The following MCCC1 variants were observed in gnomAD, a reference collection of about 807,000 sequenced individuals.
The protein encoded by MCCC1 is methylcrotonoyl-CoA carboxylase subunit alpha, mitochondrial.
Under a neutral mutation model 83.8 loss-of-function variants are expected in MCCC1, and 64 were observed. The observed-to-expected ratio is 0.76, with a 90% CI of 0.62 to 0.94. The LOEUF (loss-of-function observed/expected upper bound fraction) is 0.94. MCCC1 is among the 40% of genes least tolerant of loss of function. The pLI, the probability that MCCC1 is intolerant of heterozygous loss-of-function variation, is 0.00. For missense variants in MCCC1, 807 were observed against 904.7 expected, an observed-to-expected ratio of 0.89 and a Z score of 1.39; for synonymous variants, 322 against 315.4, an observed-to-expected ratio of 1.02 and a Z score of -0.22.
intron 12 of MCCC1, among the ~76,000 whole-genome samples, chr3:183,037,719 T>C (rs148347789): frequency 6.6e-6 from 1 of 152,318 alleles, no homozygotes; most frequent in African/African-American, 2.4e-5. Flanking sequence ...ACCGAGGCAC[T>C]TACTTGACTC....
intron 7 of MCCC1, among the ~76,000 whole-genome samples, chr3:183,062,849 A>C (rs544773518): frequency 1.6e-4 from 24 of 152,312 alleles, no homozygotes; most frequent in Non-Finnish European, 2.8e-4. Context: ...GTGTCTGAGA[A>C]CCAGGAGGTG....
chr3:183,101,487 T>C (rs866483943), upstream of MCCC1, among the ~76,000 whole-genome samples: 4 of 152,204 alleles, frequency 2.6e-5, no homozygotes, highest in South Asian at 2.1e-4. Context: ...ATCTAGCTGC[T>C]CTGGTGGGGC....
chr3:183,043,411 C>T (rs1159337266), intron 10 of MCCC1, among the ~76,000 whole-genome samples: 1 of 152,228 alleles, frequency 6.6e-6, no homozygotes, highest in Non-Finnish European at 1.5e-5. Flanking sequence ...CATTTGAGTT[C>T]TCTCAGGCTG....
chr3:183,068,457 G>C lies in MCCC1; in HGVS notation c.761+2542C>G, dbSNP rs145004063. Among the ~76,000 whole-genome samples the C allele has an allele frequency of 3.3e-4, 50 of 152,286 alleles. No individual in the cohort carries two copies. The East Asian group carries it at 7.5e-3, about 23-fold the overall frequency. Reference sequence around the variant, plus strand: ...GTTACCCTATATGGTCTAAAAAGGGGAGGCAAGAATACTCCACCCCTTGTT... The same window carrying C: ...GTTACCCTATATGGTCTAAAAAGGGCAGGCAAGAATACTCCACCCCTTGTT... On this transcript the variant is annotated intron_variant, in intron 7 of 18. Transcript: ENST00000265594.
chr3:183,058,088 G>A (rs1715556710), intron 7 of MCCC1, among the ~76,000 whole-genome samples: 1 of 152,066 alleles, frequency 6.6e-6, no homozygotes, highest in Non-Finnish European at 1.5e-5. Flanking sequence ...AACTGTCAAA[G>A]AAAAGACTGA....
rs1371558691 is a variant in MCCC1, at chr3:183,034,247, G to GT, written c.1595-171_1595-170insA. Among the ~76,000 whole-genome samples, 10 of 152,126 alleles carry GT rather than the reference G, an allele frequency of 6.6e-5. No individual in the cohort carries two copies. The East Asian group carries it at 1.5e-3, about 24-fold the overall frequency. ...GGGCGGATCATGAGGTCAGGAGATCGAGACCATCCTAGCTAACACGGTGAA... is the reference window on the plus strand; with the variant it reads ...GGGCGGATCATGAGGTCAGGAGATCGTAGACCATCCTAGCTAACACGGTGAA... On this transcript the variant is annotated intron_variant, in intron 13 of 18. Transcript: ENST00000265594.
At chr3:183,053,527 C>T (rs931657558) in intron 8 of MCCC1, among the ~76,000 whole-genome samples, 9 of 151,722 alleles carry the variant, frequency 5.9e-5, no homozygotes, top group African/African-American at 2.2e-4. Context: ...AAAATAGGGG[C>T]CAGGCACGGT....
chr3:183,108,097 T>C (rs977097679), intron 1 of MCCC1, among the ~76,000 whole-genome samples: 2 of 152,224 alleles, frequency 1.3e-5, no homozygotes, highest in African/African-American at 4.8e-5. Context: ...CTTGTTTGTA[T>C]TGGCTTAATG....
At chr3:183,037,132 G>C in intron 13 of MCCC1, 86 bp downstream of exon 13, 1 of 1,259,630 alleles carries the variant, frequency 7.9e-7, no homozygotes, top group South Asian at 1.2e-5. Flanking sequence ...GAAAAGAGAG[G>C]TCAGTGTGCC....
At chr3:183,115,929 G>A (rs1719580200) in exon 1 of MCCC1, 1 of 152,232 alleles carries the variant, frequency 6.6e-6, no homozygotes, top group African/African-American at 2.4e-5. Context: ...ACAACACCAC[G>A]GAGTGGGCAC....
At chr3:183,080,191 A>G (rs1050730214) in intron 4 of MCCC1, among the ~76,000 whole-genome samples, 5 of 152,192 alleles carry the variant, frequency 3.3e-5, no homozygotes, top group Admixed American at 3.3e-4. Context: ...ATTTCTCCTC[A>G]GAAAATGGGA....
At chr3:183,089,875 G>C (rs981547584) in intron 3 of MCCC1, among the ~76,000 whole-genome samples, 7 of 152,186 alleles carry the variant, frequency 4.6e-5, no homozygotes, top group African/African-American at 1.4e-4. Context: ...TAGGTGAAAG[G>C]TCATGAGTTC....
intron 8 of MCCC1, among the ~76,000 whole-genome samples, chr3:183,055,185 C>T (rs562623749): frequency 4.6e-5 from 7 of 151,076 alleles, no homozygotes; most frequent in Admixed American, 2.0e-4. Context: ...GGGTGGATCA[C>T]GAGGTCAGGA....
intron 12 of MCCC1, among the ~76,000 whole-genome samples, chr3:183,037,799 C>T (rs1055095416): frequency 6.6e-6 from 1 of 152,170 alleles, no homozygotes; most frequent in African/African-American, 2.4e-5. Flanking sequence ...AGACTTGCTG[C>T]TCAGAACACT....
intron 7 of MCCC1, 53 bp downstream of exon 7, chr3:183,070,946 A>G (rs1716622551): frequency 6.4e-7 from 1 of 1,551,384 alleles, no homozygotes; most frequent in Non-Finnish European, 8.8e-7. Flanking sequence ...TGCATGCATT[A>G]TTTTTATAAT....
intron 1 of MCCC1, among the ~76,000 whole-genome samples, chr3:183,110,483 TC>T (rs1719474403): frequency 6.6e-6 from 1 of 150,702 alleles, no homozygotes. Context: ...GAGCTCCGCC[TC>T]CCAGGTTCAC....
chr3:183,028,703 G>C (rs1712805777), intron 14 of MCCC1, among the ~76,000 whole-genome samples: 1 of 152,250 alleles, frequency 6.6e-6, no homozygotes, highest in Non-Finnish European at 1.5e-5. Context: ...GCTAGGACTA[G>C]AAGTGGAGAC....
intron 17 of MCCC1, among the ~76,000 whole-genome samples, chr3:183,018,627 C>G (rs1711890755): frequency 6.6e-6 from 1 of 152,204 alleles, no homozygotes; most frequent in Non-Finnish European, 1.5e-5. Context: ...TTACTTGAAT[C>G]ACATGAATAT....
intron 7 of MCCC1, among the ~76,000 whole-genome samples, chr3:183,066,506 T>C (rs552641632): frequency 2.6e-5 from 4 of 152,264 alleles, no homozygotes; most frequent in Admixed American, 6.5e-5. Flanking sequence ...GGTTTCACCA[T>C]GTTGGTCAGG....
Sources: allele counts gnomAD v4.1 joint callset (sites outside exome capture counted in the v4.1 genomes callset), GRCh38; gene constraint gnomAD v4.1.1; transcripts MANE v1.5; gene names NCBI Gene and HGNC (gene_info 2026-07-23, HGNC 2026-07-21).